CYP39A1: variants seen among roughly 807,000 people sequenced by gnomAD.
CYP39A1 encodes cytochrome P450 family 39 subfamily A member 1.
Under a neutral mutation model 58.1 loss-of-function variants are expected in CYP39A1, and 49 were observed. That is an observed-to-expected ratio of 0.84 (90% confidence interval 0.67 to 1.07). CYP39A1 has a LOEUF of 1.07. Among genes scored for constraint, CYP39A1 ranks in the 50% least tolerant of loss-of-function variants. The pLI is 0.00. For synonymous variants in CYP39A1, 209 were observed against 187.6 expected, an observed-to-expected ratio of 1.11 and a Z score of -0.93; for missense variants, 531 against 539.4, an observed-to-expected ratio of 0.98 and a Z score of 0.16.
intron 11 of CYP39A1, 126 bp downstream of exon 11, chr6:46,553,641 C>T: frequency 1.5e-6 from 1 of 686,554 alleles, no homozygotes; most frequent in East Asian, 2.7e-5. Flanking sequence ...ATCTAAGGCA[C>T]CTGTTAAGAT....
intron 7 of CYP39A1, among the ~76,000 whole-genome samples, chr6:46,620,880 A>G (rs1774914192): frequency 6.6e-6 from 1 of 150,926 alleles, no homozygotes; most frequent in Non-Finnish European, 1.5e-5. Flanking sequence ...CAAACATTAC[A>G]GAATTAGTTA....
chr6:46,567,075 G>A (rs1771331374), intron 10 of CYP39A1, among the ~76,000 whole-genome samples: 1 of 152,006 alleles, frequency 6.6e-6, no homozygotes, highest in Non-Finnish European at 1.5e-5. Context: ...TGACCATACT[G>A]TACATTAGGT....
intron 10 of CYP39A1, among the ~76,000 whole-genome samples, chr6:46,568,628 C>T (rs994253457): frequency 2.6e-5 from 4 of 152,144 alleles, no homozygotes; most frequent in Admixed American, 2.6e-4. Context: ...TGTCCCAGCG[C>T]CATTCATTGA....
chr6:46,578,171 A>C (rs1477773441), intron 10 of CYP39A1, among the ~76,000 whole-genome samples: 1 of 152,138 alleles, frequency 6.6e-6, no homozygotes, highest in Admixed American at 6.5e-5. Context: ...TCTGCTCCTG[A>C]ATGACTTTAA....
At chr6:46,605,892 A>G (rs1773815170) in intron 7 of CYP39A1, among the ~76,000 whole-genome samples, 1 of 152,192 alleles carries the variant, frequency 6.6e-6, no homozygotes, top group Admixed American at 6.5e-5. Context: ...AATCAATCAA[A>G]CAATTCCTCT....
Position 46,637,986 on chromosome 6 carries a change from G to T in CYP39A1, c.489-8C>A. ...ACTGGATAAAGGAGATGTCTACAAA[G>T]ACAGAAACACACAAAAAGTCAGACC... On this transcript the variant is annotated splice_region_variant and splice_polypyrimidine_tract_variant and intron_variant, in intron 3 of 11. Coordinates refer to ENST00000275016, the MANE Select transcript of CYP39A1 (RefSeq NM_016593.5). 1 of 1,586,402 alleles carries T rather than the reference G, an allele frequency of 6.3e-7. No individual in the cohort carries two copies. The highest frequency in any genetic ancestry group is 1.2e-5 in the South Asian group (1 of 84,934).
intron 8 of CYP39A1, among the ~76,000 whole-genome samples, chr6:46,590,526 G>A (rs879848116): frequency 6.6e-6 from 1 of 151,980 alleles, no homozygotes; most frequent in African/African-American, 2.4e-5. Flanking sequence ...CAGAGGCTTG[G>A]TTGGTGTTTG....
chr6:46,592,408 C>T (rs1772893385), intron 8 of CYP39A1, among the ~76,000 whole-genome samples: 1 of 152,152 alleles, frequency 6.6e-6, no homozygotes, highest in Admixed American at 6.6e-5. Context: ...TCAGCAAAAA[C>T]ATTCCACCTG....
Position 46,639,651 on chromosome 6 carries a change from C to T in CYP39A1, c.331G>A (p.Val111Ile). Residue 111 changes from valine (V) to isoleucine (I), a missense_variant, in exon 3 of 12, where the codon GTC becomes ATC. Val to Ile is a conservative substitution (Grantham distance 29). Transcript: ENST00000275016. ...AGTTTTTCATGCAGTGCTAAAAAGA[C>T]ATTCTTTGGAATTGATGCTATGAAC... Reference protein sequence around the residue: ...VYRTASIPKNVFLALHEKLYI... With the variant: ...VYRTASIPKNIFLALHEKLYI... 1.2e-6 allele frequency: 2 copies of T among 1,612,052 alleles called. No individual in the cohort carries two copies. Among genetic ancestry groups the T allele is most frequent in the Non-Finnish European group, 1.7e-6 (2 of 1,179,338 alleles).
Position 46,578,051 on chromosome 6 carries a change from C to T in CYP39A1, c.1250+9026G>A, listed in dbSNP as rs545955120. Among the ~76,000 whole-genome samples the T allele has an allele frequency of 7.2e-5, 11 of 152,026 alleles. No individual in the cohort carries two copies. The South Asian group carries it at 8.3e-4, about 12-fold the overall frequency. ...TCATAAAAGCAATACTCAACAAATTCAAAAAACCAAAACCATACCAACCAC... is the reference window on the plus strand; with the variant it reads ...TCATAAAAGCAATACTCAACAAATTTAAAAAACCAAAACCATACCAACCAC... On this transcript the variant is annotated intron_variant, in intron 10 of 11. Coordinates refer to ENST00000275016, the MANE Select transcript of CYP39A1 (RefSeq NM_016593.5).
chr6:46,625,824 T>C (rs1028786389), intron 6 of CYP39A1, among the ~76,000 whole-genome samples: 5 of 152,092 alleles, frequency 3.3e-5, no homozygotes, highest in African/African-American at 7.2e-5. Flanking sequence ...CAAAATATTA[T>C]ATAGGCATAT....
chr6:46,611,876 T>C (rs1288074250), intron 7 of CYP39A1, among the ~76,000 whole-genome samples: 1 of 152,202 alleles, frequency 6.6e-6, no homozygotes, highest in Non-Finnish European at 1.5e-5. Context: ...TCAGCCTGAC[T>C]TTAATAGTTT....
At chr6:46,596,574 TC>T (rs879558947) in intron 7 of CYP39A1, among the ~76,000 whole-genome samples, 1 of 151,832 alleles carries the variant, frequency 6.6e-6, no homozygotes, top group Non-Finnish European at 1.5e-5. Context: ...CTTTTTTTTT[TC>T]CCCCTAAATC....
intron 5 of CYP39A1, among the ~76,000 whole-genome samples, chr6:46,633,861 A>G (rs949910582): frequency 2.2e-4 from 34 of 152,004 alleles, no homozygotes; most frequent in African/African-American, 8.2e-4. Flanking sequence ...CATCTCAAAA[A>G]AGAAAAAAAA....
chr6:46,631,153 T>C lies in CYP39A1; in HGVS notation c.733-83A>G. 3 of 1,092,908 alleles carry C rather than the reference T, an allele frequency of 2.7e-6. No individual in the cohort carries two copies. The Admixed American group carries it at 5.7e-5, about 21-fold the overall frequency. 67.7% of individuals were successfully genotyped at this position (1,092,908 alleles called of 1,614,324 possible). On this transcript the variant is annotated intron_variant, in intron 5 of 11. Coordinates refer to ENST00000275016, the MANE Select transcript of CYP39A1 (RefSeq NM_016593.5). ...ATAAACAAGAGATCATGCCTTTTTC[T>C]TTAATATGAAAGATATCATTTCTGC...
At chr6:46,579,586 A>G (rs989194619) in intron 10 of CYP39A1, among the ~76,000 whole-genome samples, 4 of 152,174 alleles carry the variant, frequency 2.6e-5, no homozygotes, top group Admixed American at 1.3e-4. Flanking sequence ...TTCACAAACG[A>G]TATGATTCTA....
intron 5 of CYP39A1, among the ~76,000 whole-genome samples, chr6:46,634,732 G>A (rs1775875000): frequency 2.0e-5 from 3 of 152,110 alleles, no homozygotes; most frequent in African/African-American, 7.2e-5. Flanking sequence ...ATGTTCGCCA[G>A]GCTGATCTCG....
At chr6:46,572,426 G>T (rs1771640059) in intron 10 of CYP39A1, among the ~76,000 whole-genome samples, 1 of 152,092 alleles carries the variant, frequency 6.6e-6, no homozygotes, top group South Asian at 2.1e-4. Context: ...TTGAAGGACA[G>T]CTTTGCCAGA....
chr6:46,633,384 G>A (rs1380221497), intron 5 of CYP39A1, among the ~76,000 whole-genome samples: 2 of 151,902 alleles, frequency 1.3e-5, no homozygotes, highest in African/African-American at 4.8e-5. Flanking sequence ...AAAATAACAT[G>A]GAAGAAATCA....
Sources: gnomAD v4.1 joint callset for allele counts (sites outside exome capture counted in the v4.1 genomes callset) on GRCh38, gnomAD v4.1.1 for gene constraint, MANE v1.5 for transcripts, NCBI Gene and HGNC (gene_info 2026-07-23, HGNC 2026-07-21) for gene names.